The following ADGRL3 variants were observed in gnomAD, a reference collection of about 807,000 sequenced individuals.
ADGRL3 encodes calcium-independent alpha-latrotoxin receptor 3.
ADGRL3 carries 62 observed loss-of-function variants against 153.5 expected under a neutral mutation model. That is an observed-to-expected ratio of 0.40 (90% CI 0.33 to 0.50). The LOEUF (loss-of-function observed/expected upper bound fraction) is 0.50. Among genes scored for constraint, ADGRL3 ranks in the 20% least tolerant of loss-of-function variants. The probability of loss-of-function intolerance (pLI) is 0.47; values close to 1 mark genes in which losing one functional copy is unlikely to be tolerated. For synonymous variants in ADGRL3, 710 were observed against 672.5 expected, an observed-to-expected ratio of 1.06 and a Z score of -0.86; for missense variants, 1,641 against 1,859.4, an observed-to-expected ratio of 0.88 and a Z score of 2.16.
chr4:61,341,715 T>A (rs2095811760), intron 1 of ADGRL3, among the ~76,000 whole-genome samples: 1 of 152,058 alleles, frequency 6.6e-6, no homozygotes, highest in African/African-American at 2.4e-5. Context: ...CCATAGTAGT[T>A]TCTATATGCA....
chr4:61,425,832 A>G (rs934204095), intron 2 of ADGRL3, among the ~76,000 whole-genome samples: 3 of 152,228 alleles, frequency 2.0e-5, no homozygotes, highest in Non-Finnish European at 2.9e-5. Context: ...CCCTGGGGCT[A>G]TGGTAGCCAA....
chr4:61,709,565 G>A (rs2151440825), intron 6 of ADGRL3, among the ~76,000 whole-genome samples: 1 of 152,218 alleles, frequency 6.6e-6, no homozygotes, highest in South Asian at 2.1e-4. Flanking sequence ...GGGGACTGAA[G>A]CAAAGAAAGA....
intron 5 of ADGRL3, among the ~76,000 whole-genome samples, chr4:61,630,333 G>T (rs1308733983): frequency 6.6e-6 from 1 of 152,152 alleles, no homozygotes; most frequent in African/African-American, 2.4e-5. Context: ...TGACATTTCT[G>T]TTTTAATCAT....
chr4:61,575,548 A>C (rs1363703600), intron 4 of ADGRL3, among the ~76,000 whole-genome samples: 1 of 151,922 alleles, frequency 6.6e-6, no homozygotes, highest in Non-Finnish European at 1.5e-5. Context: ...TTTAATGTTT[A>C]TCTCCTGCCC....
chr4:61,712,416 AG>A (rs2096013262), intron 6 of ADGRL3, among the ~76,000 whole-genome samples: 1 of 152,104 alleles, frequency 6.6e-6, no homozygotes, highest in African/African-American at 2.4e-5. Flanking sequence ...AGAAAAAAAA[AG>A]GAAGTTTAGC....
chr4:61,696,891 G>A lies in ADGRL3; in HGVS notation c.583+19956G>A, dbSNP rs183918470. Among the ~76,000 whole-genome samples the A allele has an allele frequency of 2.9e-3, 442 of 151,942 alleles. 1 individual carries two copies. The highest frequency in any genetic ancestry group is 9.9e-3 in the African/African-American group (411 of 41,450). Reference sequence around the variant, plus strand: ...GAGGTTTCACCATGTTGGTGAGGCTGGTCTCGAACTCCTGACCTCAAGTGA... The same window carrying A: ...GAGGTTTCACCATGTTGGTGAGGCTAGTCTCGAACTCCTGACCTCAAGTGA... On this transcript the variant is annotated intron_variant, in intron 6 of 26. Transcript: ENST00000683033.
chr4:61,266,711 G>A (rs1384918123), intron 1 of ADGRL3, among the ~76,000 whole-genome samples: 1 of 151,708 alleles, frequency 6.6e-6, no homozygotes, highest in Non-Finnish European at 1.5e-5. Context: ...AATGAAAATT[G>A]TTTTATATGT....
At chr4:62,034,340 C>T (rs1007002457) in intron 23 of ADGRL3, among the ~76,000 whole-genome samples, 7 of 151,682 alleles carry the variant, frequency 4.6e-5, no homozygotes, top group Admixed American at 1.3e-4. Flanking sequence ...CTATCTGGAC[C>T]TTATAGAAAA....
At chr4:61,997,333 CAT>C (rs1222984278) in intron 20 of ADGRL3, among the ~76,000 whole-genome samples, 1 of 150,800 alleles carries the variant, frequency 6.6e-6, no homozygotes, top group South Asian at 2.1e-4. Context: ...TTTCCCACCA[CAT>C]AGATTTACTT....
chr4:61,649,433 C>T (rs151047181), intron 5 of ADGRL3, among the ~76,000 whole-genome samples: 2 of 152,000 alleles, frequency 1.3e-5, no homozygotes, highest in South Asian at 2.1e-4. Context: ...GCTTGTATAC[C>T]TTCAGTCCTC....
intron 11 of ADGRL3, among the ~76,000 whole-genome samples, chr4:61,896,304 T>C (rs903404180): frequency 2.6e-4 from 40 of 152,180 alleles, no homozygotes; most frequent in Non-Finnish European, 5.1e-4. Context: ...TCAGGGCTTA[T>C]TTGGTTGCAA....
At chr4:61,446,534 C>A (rs1377715674) in intron 2 of ADGRL3, among the ~76,000 whole-genome samples, 1 of 152,196 alleles carries the variant, frequency 6.6e-6, no homozygotes, top group Admixed American at 6.5e-5. Context: ...ATACCTTCTA[C>A]TACATCTACA....
At chr4:61,509,174 C>T (rs2098448878) in intron 3 of ADGRL3, among the ~76,000 whole-genome samples, 2 of 140,722 alleles carry the variant, frequency 1.4e-5, no homozygotes, top group East Asian at 4.3e-4. Context: ...GTTGCCCAGG[C>T]TGGAGTGCAA....
intron 19 of ADGRL3, among the ~76,000 whole-genome samples, chr4:61,995,809 C>T (rs2099119721): frequency 6.6e-6 from 1 of 152,032 alleles, no homozygotes; most frequent in South Asian, 2.1e-4. Context: ...GGTTGGCTGC[C>T]CAACCTAATT....
chr4:61,366,868 A>G (rs530553302), intron 1 of ADGRL3, among the ~76,000 whole-genome samples: 2 of 152,298 alleles, frequency 1.3e-5, no homozygotes. Flanking sequence ...TGTACTGTTA[A>G]GAAAGTTTAC....
intron 5 of ADGRL3, among the ~76,000 whole-genome samples, chr4:61,626,846 A>T (rs1292721733): frequency 6.6e-6 from 1 of 152,276 alleles, no homozygotes; most frequent in African/African-American, 2.4e-5. Context: ...GAAATGTAAT[A>T]TACTACTCAG....
intron 2 of ADGRL3, among the ~76,000 whole-genome samples, chr4:61,494,244 A>G (rs1181301126): frequency 6.6e-6 from 1 of 152,132 alleles, no homozygotes; most frequent in African/African-American, 2.4e-5. Flanking sequence ...CAGTAATGAA[A>G]TGCTATATAT....
chr4:61,553,238 C>G (rs757027866), intron 4 of ADGRL3, among the ~76,000 whole-genome samples: 1 of 152,156 alleles, frequency 6.6e-6, no homozygotes. Flanking sequence ...TATTTTCACT[C>G]TCCTTTGGTT....
intron 5 of ADGRL3, among the ~76,000 whole-genome samples, chr4:61,646,356 GC>G (rs2093984482): frequency 6.6e-6 from 1 of 152,006 alleles, no homozygotes; most frequent in South Asian, 2.1e-4. Context: ...AGGAGGAGAG[GC>G]ACTCTGCTTT....
Sources: gnomAD v4.1 joint callset for allele counts (sites outside exome capture counted in the v4.1 genomes callset) on GRCh38, gnomAD v4.1.1 for gene constraint, MANE v1.5 for transcripts, NCBI Gene and HGNC (gene_info 2026-07-23, HGNC 2026-07-21) for gene names.